The following NELL1 variants were observed in gnomAD, a reference collection of about 807,000 sequenced individuals.
NELL1 encodes the protein neural EGFL like 1.
Under a neutral mutation model 107.4 loss-of-function variants are expected in NELL1, and 76 were observed. The ratio of observed to expected loss-of-function variants is 0.71; its 90% CI spans 0.59 to 0.86. NELL1 has a LOEUF of 0.86. NELL1 is among the 40% of genes least tolerant of loss of function. The pLI is 0.00. For synonymous variants in NELL1, 353 were observed against 341.2 expected (o/e 1.03, Z -0.38); for missense variants, 1,024 against 1,005.5 (o/e 1.02, Z -0.25).
rs1336957410 is a variant in NELL1 at position 20,669,662 on chromosome 11, C to A, written c.-62C>A. ...CTCCAAGCCAGGCGCGCCTCAGGATCCAGGCTCATTTGCTTCCACCTAGCT... is the reference window on the plus strand; with the variant it reads ...CTCCAAGCCAGGCGCGCCTCAGGATACAGGCTCATTTGCTTCCACCTAGCT... On this transcript the variant is annotated 5_prime_UTR_variant, in exon 1 of 20. Transcript: ENST00000357134. This position sits in a 1 kb window ranked among gnomAD's most constrained non-coding sequence, Gnocchi z 4.4. 33 of 1,444,560 alleles carry A rather than the reference C, an allele frequency of 2.3e-5. No homozygotes were observed. The highest frequency in any genetic ancestry group is 3.0e-5 in the Non-Finnish European group (31 of 1,027,754). The allele number at this position is 1,444,560 out of a possible 1,614,324, so 89.5% of individuals were successfully genotyped here.
intron 2 of NELL1, among the ~76,000 whole-genome samples, chr11:20,744,205 C>T (rs1855952582): frequency 6.6e-6 from 1 of 152,222 alleles, no homozygotes; most frequent in Non-Finnish European, 1.5e-5. Flanking sequence ...GTCCATCCTA[C>T]AGGCAACACT....
rs529200994 is a variant in NELL1 at position 21,222,165 on chromosome 11, A to T, written c.1427-7167A>T. Among the ~76,000 whole-genome samples, 256 of 151,278 alleles carry T rather than the reference A, an allele frequency of 1.7e-3. 1 individual carries two copies. The highest frequency in any genetic ancestry group is 6.0e-3 in the African/African-American group (248 of 41,184). On this transcript the variant is annotated intron_variant, in intron 13 of 19. Transcript: ENST00000357134. ...GCTTTTTGTTTCTTTGATCTTTTGT[A>T]TTTTGTTTGTTTGTTTTGTTTTTGT...
chr11:21,113,831 C>CTT (rs1007906092), intron 13 of NELL1, 117 bp downstream of exon 13: 2 of 1,027,644 alleles, frequency 1.9e-6, no homozygotes, highest in African/African-American at 3.3e-5. Context: ...TAGTTCTTCT[C>CTT]TTTATTACTT....
chr11:21,107,235 A>G (rs1854991363), intron 12 of NELL1, among the ~76,000 whole-genome samples: 1 of 152,150 alleles, frequency 6.6e-6, no homozygotes, highest in Admixed American at 6.5e-5. Context: ...AATAACCTGA[A>G]TCCACCATTA....
chr11:20,944,564 G>A (rs899457351), intron 10 of NELL1, among the ~76,000 whole-genome samples: 4 of 152,134 alleles, frequency 2.6e-5, no homozygotes, highest in Non-Finnish European at 5.9e-5. Context: ...AAGAAAAAAG[G>A]AATTGTATTT....
chr11:21,073,137 A>G (rs1854055186), intron 12 of NELL1, among the ~76,000 whole-genome samples: 1 of 152,144 alleles, frequency 6.6e-6, no homozygotes, highest in Non-Finnish European at 1.5e-5. Context: ...CCTGGAAATT[A>G]TGTTGAGTCT....
In NELL1 at chr11:20,783,839, G is replaced by A. The variant is rs369384486; in HGVS notation, c.335+9G>A. 5 of 1,601,098 alleles carry A rather than the reference G, an allele frequency of 3.1e-6. No individual in the cohort carries two copies. The African/African-American group carries it at 4.0e-5, about 13-fold the overall frequency. On this transcript the variant is annotated intron_variant, in intron 3 of 19. Transcript: ENST00000357134. The stretch of plus-strand genomic sequence containing the variant: ...CGAGAACTGGAGCACAGGTAAGAAA[G>A]CTCTTTCTGCTTTTGAAAATCTCCT...
chr11:20,872,018 CAAAAAAA>C (rs1160968611), intron 4 of NELL1, among the ~76,000 whole-genome samples: 2 of 41,708 alleles, frequency 4.8e-5, no homozygotes, highest in South Asian at 1.9e-3. Context: ...GACTCCGTCT[CAAAAAAA>C]AAAAAAAAAA....
chr11:21,574,959 C>A lies in NELL1; in HGVS notation c.2383-13C>A, dbSNP rs1857187192. 1 of 1,609,286 alleles carries A rather than the reference C, an allele frequency of 6.2e-7. No individual in the cohort carries two copies. Among genetic ancestry groups the A allele is most frequent in the Middle Eastern group, 1.7e-4 (1 of 6,026 alleles). Reference sequence around the variant, plus strand: ...TGTCTCAACTGGCTAACACATGTTTCTTTGATGTACAGAATGGAAGAGTCT... The same window carrying A: ...TGTCTCAACTGGCTAACACATGTTTATTTGATGTACAGAATGGAAGAGTCT... On this transcript the variant is annotated splice_polypyrimidine_tract_variant and intron_variant, in intron 19 of 19. Transcript: ENST00000357134.
intron 14 of NELL1, among the ~76,000 whole-genome samples, chr11:21,354,707 G>A (rs756022914): frequency 1.6e-4 from 25 of 152,320 alleles, no homozygotes; most frequent in Non-Finnish European, 2.9e-4. Context: ...AAGCTCTCTT[G>A]AGAACTCTGG....
At chr11:20,929,537 CT>C (rs1590428066) in intron 9 of NELL1, among the ~76,000 whole-genome samples, 2 of 151,542 alleles carry the variant, frequency 1.3e-5, no homozygotes, top group East Asian at 3.9e-4. Flanking sequence ...GTTTCAAGAA[CT>C]TTTGGAAGTC....
intron 12 of NELL1, among the ~76,000 whole-genome samples, chr11:21,093,175 A>G (rs1314119181): frequency 6.6e-6 from 1 of 152,148 alleles, no homozygotes; most frequent in Non-Finnish European, 1.5e-5. Context: ...GGATTTGGGA[A>G]GACATGTGCA....
At chr11:20,973,606 C>T (rs1018737843) in intron 12 of NELL1, among the ~76,000 whole-genome samples, 1 of 152,182 alleles carries the variant, frequency 6.6e-6, no homozygotes, top group African/African-American at 2.4e-5. Context: ...TTCCCACTGA[C>T]ATTTGGCATC....
At chr11:21,400,590 T>C (rs975533594) in intron 15 of NELL1, among the ~76,000 whole-genome samples, 8 of 151,904 alleles carry the variant, frequency 5.3e-5, no homozygotes, top group Non-Finnish European at 1.2e-4. Flanking sequence ...TTGATAAACA[T>C]GTGATGTTCT....
At chr11:20,686,157 T>C (rs1167400989) in intron 2 of NELL1, among the ~76,000 whole-genome samples, 2 of 152,174 alleles carry the variant, frequency 1.3e-5, no homozygotes, top group Non-Finnish European at 2.9e-5. Context: ...GATGTCCAGC[T>C]GTGAATTGTG....
intron 13 of NELL1, among the ~76,000 whole-genome samples, chr11:21,206,597 C>T (rs1439770062): frequency 6.6e-6 from 1 of 152,162 alleles, no homozygotes; most frequent in Non-Finnish European, 1.5e-5. Context: ...CTACCTACCC[C>T]TCCCCACTGC....
At chr11:21,388,548 C>T (rs1164463883) in intron 15 of NELL1, among the ~76,000 whole-genome samples, 1 of 151,752 alleles carries the variant, frequency 6.6e-6, no homozygotes, top group Non-Finnish European at 1.5e-5. Flanking sequence ...CTCAACAAAA[C>T]AGTGTCAAGT....
chr11:20,996,100 C>A (rs1285407546), intron 12 of NELL1, among the ~76,000 whole-genome samples: 2 of 152,190 alleles, frequency 1.3e-5, no homozygotes, highest in Non-Finnish European at 2.9e-5. Flanking sequence ...AGTATGATCT[C>A]ATTCTCATTC....
chr11:20,944,330 A>AGT (rs1850919297), intron 10 of NELL1, among the ~76,000 whole-genome samples: 1 of 151,246 alleles, frequency 6.6e-6, no homozygotes, highest in Non-Finnish European at 1.5e-5. Context: ...AATTAACATA[A>AGT]TTTTTAAAAA....
Sources: allele counts gnomAD v4.1 joint callset (sites outside exome capture counted in the v4.1 genomes callset), GRCh38; gene constraint gnomAD v4.1.1; non-coding constraint Gnocchi (gnomAD v3.1); transcripts MANE v1.5; gene names NCBI Gene and HGNC (gene_info 2026-07-23, HGNC 2026-07-21).